Variants in MYH13 observed in about 807,000 individuals in gnomAD.
MYH13 encodes myosin heavy chain 13, also known as myosin-13.
A neutral mutation model predicts 232.1 loss-of-function variants in MYH13; 177 were observed. That is an observed-to-expected ratio of 0.76 (90% confidence interval 0.67 to 0.86). MYH13 has a LOEUF of 0.86. Ranked by LOEUF, MYH13 falls within the 40% of genes least tolerant of loss-of-function variation. The pLI, the probability that MYH13 is intolerant of heterozygous loss-of-function variation, is 0.00. For missense variants in MYH13, 2,246 were observed against 2,405.9 expected (o/e 0.93, Z 1.39); for synonymous variants, 884 against 923.5 (o/e 0.96, Z 0.78).
At chr17:10,364,608 C>T in intron 2 of MYH13, 66 bp from the exon 3 acceptor site, 3 of 1,380,286 alleles carry the variant, frequency 2.2e-6, no homozygotes, top group Non-Finnish European at 3.0e-6. Context: ...AGGGCCCCTA[C>T]CCTTATTCTA....
At chr17:10,322,763 A>T (rs1199196590) in intron 23 of MYH13, among the ~76,000 whole-genome samples, 1 of 150,832 alleles carries the variant, frequency 6.6e-6, no homozygotes, top group Non-Finnish European at 1.5e-5. Context: ...CCTCCTGAGT[A>T]GCTGGGACTA....
intron 37 of MYH13, 81 bp from the exon 38 acceptor site, chr17:10,303,579 A>G (rs1906180304): frequency 7.5e-6 from 9 of 1,206,260 alleles, no homozygotes; most frequent in Non-Finnish European, 1.1e-5. Context: ...ATCATTCTAG[A>G]GTGAACTCAA....
chr17:10,301,439 T>C, intron 40 of MYH13, 130 bp downstream of exon 40: 1 of 1,405,050 alleles, frequency 7.1e-7, no homozygotes, highest in Non-Finnish European at 9.8e-7. Context: ...GTACCTGCTC[T>C]TACCTGGTCC....
intron 27 of MYH13, 140 bp from the exon 28 acceptor site, chr17:10,316,165 A>T (rs1245780566): frequency 1.0e-5 from 12 of 1,163,614 alleles, no homozygotes; most frequent in Non-Finnish European, 1.4e-5. Context: ...TTCAGTTTCA[A>T]AAAAATCATA....
At chr17:10,316,731 C>T (rs12602120) in intron 27 of MYH13, among the ~76,000 whole-genome samples, 2 of 152,060 alleles carry the variant, frequency 1.3e-5, no homozygotes, top group African/African-American at 2.4e-5. Context: ...TGGTGCAGGC[C>T]GTATGAAGAG....
intron 23 of MYH13, among the ~76,000 whole-genome samples, chr17:10,323,137 A>G (rs1907037463): frequency 6.6e-6 from 1 of 152,172 alleles, no homozygotes; most frequent in South Asian, 2.1e-4. Context: ...ACCCTAGGAC[A>G]TGTCGCCTTA....
chr17:10,368,045 C>T (rs2071850385), intron 2 of MYH13, among the ~76,000 whole-genome samples: 1 of 152,090 alleles, frequency 6.6e-6, no homozygotes, highest in Non-Finnish European at 1.5e-5. Flanking sequence ...TCTTCTTTTC[C>T]CATATGTGAA....
intron 32 of MYH13, among the ~76,000 whole-genome samples, chr17:10,311,535 A>G (rs1188003270): frequency 6.6e-6 from 1 of 152,226 alleles, no homozygotes; most frequent in Admixed American, 6.5e-5. Context: ...GCAGAACCAG[A>G]AGGGGCTTTG....
intron 23 of MYH13, among the ~76,000 whole-genome samples, chr17:10,323,065 T>C (rs1176945122): frequency 1.3e-5 from 2 of 152,194 alleles, no homozygotes; most frequent in Non-Finnish European, 2.9e-5. Flanking sequence ...GTTCTCCGTT[T>C]TCCCCGTGGT....
At chr17:10,318,463 G>A (rs1157587619) in intron 27 of MYH13, among the ~76,000 whole-genome samples, 1 of 152,186 alleles carries the variant, frequency 6.6e-6, no homozygotes, top group African/African-American at 2.4e-5. Context: ...AGGATGCAAT[G>A]AGAAGGCACC....
intron 8 of MYH13, 107 bp downstream of exon 8, chr17:10,357,628 G>A (rs1469183141): frequency 1.1e-6 from 1 of 952,234 alleles, no homozygotes; most frequent in Middle Eastern, 2.2e-4. Flanking sequence ...CTTGGGGGTA[G>A]AAAAAGGCCC....
At chr17:10,302,359 GC>G (rs1472540100) in intron 39 of MYH13, among the ~76,000 whole-genome samples, 1 of 152,190 alleles carries the variant, frequency 6.6e-6, no homozygotes, top group Non-Finnish European at 1.5e-5. Flanking sequence ...CAGAACAGTA[GC>G]CCTGAGGGAT....
At position 10,327,952 on chromosome 17, in the gene MYH13, G is replaced by C; in HGVS notation, c.2605C>G (p.Arg869Gly). 6.2e-7 allele frequency: 1 copy of C among 1,613,902 alleles called. No homozygotes were observed. The highest frequency in any genetic ancestry group is 8.5e-7 in the Non-Finnish European group (1 of 1,179,950). ...DFERTKEELA[R>G]SEARRKELEE... Reference sequence around the variant, plus strand: ...AGCTCCTTCCGGCGAGCCTCAGATCGGGCCAGTTCTTCCTTGGTCCTCTCA... The same window carrying C: ...AGCTCCTTCCGGCGAGCCTCAGATCCGGCCAGTTCTTCCTTGGTCCTCTCA... The change falls in exon 22 of 41, where the codon CGA (arginine) becomes GGA (glycine). Residue 869 changes from arginine to glycine, a missense_variant. Physicochemically the swap from Arg to Gly is moderately radical, Grantham distance 125. Transcript: ENST00000252172.
intron 24 of MYH13, 57 bp downstream of exon 24, chr17:10,321,474 TC>T: frequency 1.3e-6 from 2 of 1,524,942 alleles, no homozygotes; most frequent in Non-Finnish European, 1.8e-6. Context: ...TTAGACTGTC[TC>T]TTGTCTGTGC....
intron 18 of MYH13, among the ~76,000 whole-genome samples, chr17:10,335,867 C>A (rs771104936): frequency 6.6e-6 from 1 of 152,034 alleles, no homozygotes. Context: ...TCTTAAGCAC[C>A]GGGAGCAGAG....
At chr17:10,327,441 C>T (rs1353286835) in intron 22 of MYH13, among the ~76,000 whole-genome samples, 2 of 152,184 alleles carry the variant, frequency 1.3e-5, no homozygotes, top group African/African-American at 2.4e-5. Flanking sequence ...CTACCACGCC[C>T]GGCCTAAAGC....
chr17:10,351,601 T>A (rs1398872229), intron 11 of MYH13, among the ~76,000 whole-genome samples: 7 of 152,212 alleles, frequency 4.6e-5, no homozygotes, highest in Admixed American at 4.6e-4. Context: ...GTGCAGGTTT[T>A]TCCAGATTTC....
At chr17:10,344,778 A>T (rs2071648546) in intron 15 of MYH13, among the ~76,000 whole-genome samples, 1 of 147,592 alleles carries the variant, frequency 6.8e-6, no homozygotes, top group Admixed American at 7.0e-5. Context: ...CCGAGACTGC[A>T]CCACTGCACT....
rs751438660 is a variant in MYH13 at position 10,350,633 on chromosome 17, C to T, written c.1067G>A (p.Gly356Glu). 3.1e-6 allele frequency: 5 copies of T among 1,613,816 alleles called. No individual in the cohort carries two copies. The Admixed American group carries it at 6.7e-5, about 22-fold the overall frequency. Residue 356 changes from glycine (G) to glutamate (E), a missense_variant, in exon 12 of 41, where the codon GGA (glycine) becomes GAA (glutamate). Gly to Glu is a moderately conservative substitution (Grantham distance 98). Coordinates refer to ENST00000252172, the MANE Select transcript of MYH13 (RefSeq NM_003802.3). ...CATGTTCCCATAATGCATCACGGCT[C>T]CCGTCAGTTTGTAGATCCCGACTTT... ...EEKVGIYKLT[G>E]AVMHYGNMKF...
Sources: gnomAD v4.1 joint callset for allele counts (sites outside exome capture counted in the v4.1 genomes callset) on GRCh38, gnomAD v4.1.1 for gene constraint, MANE v1.5 for transcripts, NCBI Gene and HGNC (gene_info 2026-07-23, HGNC 2026-07-21) for gene names.